Variants in NLRP5 observed in about 807,000 individuals in gnomAD.
NLRP5 encodes NACHT, LRR and PYD domains-containing protein 5.
NLRP5 carries 93 observed loss-of-function variants against 113.1 expected under a neutral mutation model. The observed-to-expected ratio is 0.82, with a 90% CI of 0.70 to 0.98. NLRP5 has a LOEUF of 0.98. NLRP5 is among the 50% of genes least tolerant of loss of function. NLRP5 has a pLI of 0.00. For missense variants in NLRP5, 1,808 were observed against 1,514.3 expected, an observed-to-expected ratio of 1.19 and a Z score of -3.22; for synonymous variants, 751 against 600.7, an observed-to-expected ratio of 1.25 and a Z score of -3.66.
rs768448272 is a variant in NLRP5, at chr19:56,061,564, T to G, written c.*36T>G. ...ACCTGCCCCACTCACACCCATCTGA[T>G]GGAGGAACTTTAAACGCTGTTTTCT... On this transcript the variant is annotated 3_prime_UTR_variant, in exon 15 of 15. Coordinates refer to ENST00000390649, the MANE Select transcript of NLRP5 (RefSeq NM_153447.4). 1.2e-6 allele frequency: 2 copies of G among 1,611,992 alleles called. No homozygotes were observed. The highest frequency in any genetic ancestry group is 1.7e-5 in the Admixed American group (1 of 59,826).
the NLRP5 span, chr19:55,987,793 C>G: frequency 2.5e-6 from 4 of 1,572,302 alleles, no homozygotes; most frequent in South Asian, 1.1e-5. Context: ...CAACCAGCAG[C>G]CTTCCTTTAC....
rs71183002 is a variant in NLRP5, at chr19:56,013,596, GTTTTTTT to G, written c.509-2131_509-2125del. ...CATTTATCACATGATGGACATTTGG[GTTTTTTT>G]TTTTTTTTTTTTTTGCTATTATGAA... is the stretch of plus-strand genomic sequence containing the variant. On this transcript the variant is annotated intron_variant, in intron 3 of 14. Coordinates refer to ENST00000390649, the MANE Select transcript of NLRP5 (RefSeq NM_153447.4). Among the ~76,000 whole-genome samples, 16 of 59,290 alleles carry G rather than the reference GTTTTTTT, an allele frequency of 2.7e-4. 1 individual carries two copies. The highest frequency in any genetic ancestry group is 1.9e-3 in the East Asian group (4 of 2,080). 38.9% of individuals were successfully genotyped at this position (59,290 alleles called of 152,430 possible). A position where few individuals can be genotyped will look rare whatever the true frequency, so the allele number is the denominator to read the frequency against.
chr19:56,045,290 C>T (rs1388676410), intron 11 of NLRP5, among the ~76,000 whole-genome samples: 1 of 152,158 alleles, frequency 6.6e-6, no homozygotes, highest in Non-Finnish European at 1.5e-5. Flanking sequence ...ATGCATGCAT[C>T]TAAGTGAAGA....
At chr19:56,043,758 T>C (rs565295422) in intron 11 of NLRP5, among the ~76,000 whole-genome samples, 2 of 151,644 alleles carry the variant, frequency 1.3e-5, no homozygotes, top group South Asian at 2.1e-4. Flanking sequence ...TGTGTGTTTT[T>C]AGTAGAGACA....
intron 9 of NLRP5, among the ~76,000 whole-genome samples, chr19:56,036,906 G>A (rs1407005030): frequency 3.9e-5 from 6 of 152,176 alleles, no homozygotes; most frequent in African/African-American, 9.7e-5. Context: ...ACAGTGAGCC[G>A]AGATTGCGCC....
chr19:56,041,585 C>T (rs1983524640), intron 11 of NLRP5, among the ~76,000 whole-genome samples: 1 of 152,130 alleles, frequency 6.6e-6, no homozygotes, highest in Non-Finnish European at 1.5e-5. Flanking sequence ...AAGTGATGGA[C>T]CTCACAGCCT....
intron 7 of NLRP5, among the ~76,000 whole-genome samples, chr19:56,030,563 A>G (rs1568492810): frequency 6.6e-6 from 1 of 152,186 alleles, no homozygotes; most frequent in East Asian, 1.9e-4. Flanking sequence ...AAGAGGAGTC[A>G]CAGCCTGGGC....
chr19:56,007,301 TTGCAGTGAG>T (rs1259863211), intron 2 of NLRP5, among the ~76,000 whole-genome samples: 2 of 150,374 alleles, frequency 1.3e-5, no homozygotes, highest in Non-Finnish European at 2.9e-5. Flanking sequence ...GAGGCAGAGG[TTGCAGTGAG>T]CTGAGATTGT....
At chr19:56,008,149 C>T (rs184723250) in intron 2 of NLRP5, among the ~76,000 whole-genome samples, 1 of 151,294 alleles carries the variant, frequency 6.6e-6, no homozygotes, top group Admixed American at 6.6e-5. Context: ...AGGATGGTCT[C>T]GATCTCCTGA....
chr19:55,995,940 A>G (rs1041201248), upstream of NLRP5, among the ~76,000 whole-genome samples: 1 of 152,158 alleles, frequency 6.6e-6, no homozygotes, highest in South Asian at 2.1e-4. Flanking sequence ...CATTTATTAT[A>G]TAAAAACTTG....
At chr19:56,013,434 T>C (rs1226308674) in intron 3 of NLRP5, among the ~76,000 whole-genome samples, 9 of 151,860 alleles carry the variant, frequency 5.9e-5, no homozygotes, top group Admixed American at 2.0e-4. Flanking sequence ...CCTTGTGATC[T>C]GCCCACCTCA....
At chr19:56,006,973 TTG>T (rs879441122) in intron 2 of NLRP5, among the ~76,000 whole-genome samples, 3 of 151,138 alleles carry the variant, frequency 2.0e-5, no homozygotes, top group Non-Finnish European at 2.9e-5. Context: ...TCTCCCGACC[TTG>T]TGATCCACCC....
At chr19:56,032,877 G>T in intron 8 of NLRP5, 96 bp downstream of exon 8, 1 of 1,236,728 alleles carries the variant, frequency 8.1e-7, no homozygotes, top group Non-Finnish European at 1.1e-6. Flanking sequence ...CCTTTCAAGT[G>T]CAGCCTGAGG....
intron 2 of NLRP5, among the ~76,000 whole-genome samples, chr19:56,005,298 CA>C (rs1049743763): frequency 3.4e-5 from 5 of 145,898 alleles, no homozygotes; most frequent in African/African-American, 1.3e-4. Context: ...TTTATATATA[CA>C]CATATATATT....
intron 6 of NLRP5, among the ~76,000 whole-genome samples, chr19:56,023,355 C>T (rs907532595): frequency 1.4e-4 from 22 of 152,180 alleles, no homozygotes; most frequent in Middle Eastern, 3.4e-3. Context: ...GTGTGCTTCC[C>T]GTGGTTTCAA....
At chr19:56,035,428 G>T (rs940212542) in intron 9 of NLRP5, among the ~76,000 whole-genome samples, 3 of 152,222 alleles carry the variant, frequency 2.0e-5, no homozygotes, top group Non-Finnish European at 2.9e-5. Context: ...ATCGTGTGGG[G>T]TTTATCTGGG....
intron 13 of NLRP5, 45 bp from the exon 14 acceptor site, chr19:56,058,195 A>G (rs367951308): frequency 1.2e-5 from 17 of 1,473,398 alleles, no homozygotes; most frequent in Non-Finnish European, 1.5e-5. Context: ...TGAAGGGTCC[A>G]TCATCGATCT....
the NLRP5 span, among the ~76,000 whole-genome samples, chr19:55,990,822 C>T: frequency 6.6e-6 from 1 of 151,808 alleles, no homozygotes; most frequent in African/African-American, 2.4e-5. Flanking sequence ...AAGACTCTGT[C>T]TCAAAAAGAA....
intron 11 of NLRP5, among the ~76,000 whole-genome samples, chr19:56,049,400 C>T (rs1436059413): frequency 1.3e-5 from 2 of 152,058 alleles, no homozygotes; most frequent in Non-Finnish European, 2.9e-5. Flanking sequence ...AGGCTGGTAT[C>T]GAACTTCCAA....
Sources: allele counts gnomAD v4.1 joint callset (sites outside exome capture counted in the v4.1 genomes callset), GRCh38; gene constraint gnomAD v4.1.1; transcripts MANE v1.5; gene names NCBI Gene and HGNC (gene_info 2026-07-23, HGNC 2026-07-21).